SLC2A9: variants seen among roughly 807,000 people sequenced by gnomAD.
The protein encoded by SLC2A9 is solute carrier family 2 member 9.
SLC2A9 carries 39 observed loss-of-function variants against 50.6 expected under a neutral mutation model. The ratio of observed to expected loss-of-function variants is 0.77; its 90% CI spans 0.60 to 1.01. The LOEUF (loss-of-function observed/expected upper bound fraction) is 1.01, where lower values mean the gene tolerates loss of function less well. SLC2A9 is among the 50% of genes least tolerant of loss of function. The pLI, the probability that SLC2A9 is intolerant of heterozygous loss-of-function variation, is 0.00. For synonymous variants in SLC2A9, 324 were observed against 276.9 expected (o/e 1.17, Z -1.69); for missense variants, 686 against 677.6 (o/e 1.01, Z -0.14).
At chr4:9,880,633 T>C (rs1735043586) in intron 10 of SLC2A9, 1 of 889,342 alleles carries the variant, frequency 1.1e-6, no homozygotes, top group Non-Finnish European at 1.3e-6. Context: ...ATCTGGCTTG[T>C]TTGTGTGCAT....
chr4:9,864,500 T>C (rs780775653), intron 10 of SLC2A9, among the ~76,000 whole-genome samples: 23 of 152,220 alleles, frequency 1.5e-4, no homozygotes, highest in Non-Finnish European at 2.1e-4. Context: ...TCTTGAGTGC[T>C]TTCTATGAGT....
intron 8 of SLC2A9, among the ~76,000 whole-genome samples, chr4:9,895,472 C>T (rs1004501410): frequency 2.0e-5 from 3 of 152,202 alleles, no homozygotes; most frequent in South Asian, 2.1e-4. Context: ...TTAACTCAGA[C>T]GAACAGCAGA....
chr4:9,950,127 AAGC>A (rs1288812367), intron 5 of SLC2A9, among the ~76,000 whole-genome samples: 1 of 152,216 alleles, frequency 6.6e-6, no homozygotes, highest in African/African-American at 2.4e-5. Flanking sequence ...CACAGAGTAC[AAGC>A]CAGCTAGTAA....
intron 3 of SLC2A9, among the ~76,000 whole-genome samples, chr4:9,780,948 T>G (rs750968894): frequency 1.3e-5 from 2 of 152,150 alleles, no homozygotes; most frequent in Non-Finnish European, 2.9e-5. Context: ...GCTCTCTTCC[T>G]CCTCTTGTCT....
chr4:9,794,962 TTGTGCTGGGCAC>T (rs1720407494), downstream of SLC2A9, among the ~76,000 whole-genome samples: 1 of 151,334 alleles, frequency 6.6e-6, no homozygotes, highest in South Asian at 2.1e-4. Context: ...ACTGCTGAAT[TTGTGCTGGGCAC>T]TGTGCCAAAG....
intron 9 of SLC2A9, among the ~76,000 whole-genome samples, chr4:9,890,074 G>C (rs1429505045): frequency 6.6e-6 from 1 of 152,162 alleles, no homozygotes; most frequent in East Asian, 1.9e-4. Flanking sequence ...CAACACCCCT[G>C]GATGAAGGGA....
At chr4:10,014,994 T>C (rs1762366337) in intron 2 of SLC2A9, among the ~76,000 whole-genome samples, 1 of 152,212 alleles carries the variant, frequency 6.6e-6, no homozygotes, top group Non-Finnish European at 1.5e-5. Context: ...CTGTCTTCGG[T>C]TTCTCAGTTA....
chr4:9,910,940 T>C (rs1478321490), intron 7 of SLC2A9, among the ~76,000 whole-genome samples: 1 of 148,448 alleles, frequency 6.7e-6, no homozygotes, highest in African/African-American at 2.4e-5. Context: ...TAAGTGGAAG[T>C]TGAACAATGA....
chr4:9,814,723 T>C (rs1209392594), intron 3 of SLC2A9, among the ~76,000 whole-genome samples: 1 of 152,144 alleles, frequency 6.6e-6, no homozygotes, highest in Non-Finnish European at 1.5e-5. Context: ...CCTCATGTGA[T>C]GACATCAGCA....
intron 1 of SLC2A9, among the ~76,000 whole-genome samples, chr4:10,037,476 G>T (rs1764144521): frequency 6.6e-6 from 1 of 152,164 alleles, no homozygotes; most frequent in African/African-American, 2.4e-5. Context: ...TACTTCCTCA[G>T]TTGCTCCTCC....
chr4:9,822,148 A>C (rs894846360), downstream of SLC2A9, among the ~76,000 whole-genome samples: 1 of 152,074 alleles, frequency 6.6e-6, no homozygotes, highest in Non-Finnish European at 1.5e-5. Flanking sequence ...CCATCTCCCC[A>C]ACATCACTTC....
chr4:10,000,622 T>G (rs1260064511), intron 2 of SLC2A9, among the ~76,000 whole-genome samples: 1 of 152,196 alleles, frequency 6.6e-6, no homozygotes, highest in Non-Finnish European at 1.5e-5. Context: ...TACATGCTTT[T>G]CTATTCATGC....
intron 3 of SLC2A9, among the ~76,000 whole-genome samples, chr4:9,793,653 A>C (rs1259823893): frequency 1.1e-4 from 16 of 152,288 alleles, no homozygotes; most frequent in Admixed American, 7.9e-4. Context: ...TCTTAGGAGG[A>C]GGCAAAACAG....
intron 10 of SLC2A9, among the ~76,000 whole-genome samples, chr4:9,840,143 C>T (rs2109204371): frequency 6.6e-6 from 1 of 152,290 alleles, no homozygotes; most frequent in Middle Eastern, 3.4e-3. Context: ...AACTCAGTGA[C>T]TCTGGGTAAC....
chr4:9,925,205 T>C (rs1245518924), intron 6 of SLC2A9, among the ~76,000 whole-genome samples: 1 of 152,216 alleles, frequency 6.6e-6, no homozygotes, highest in African/African-American at 2.4e-5. Context: ...CCTGCCACTT[T>C]GTTGCCTGCC....
At chr4:9,954,324 C>T (rs1750824010) in intron 5 of SLC2A9, among the ~76,000 whole-genome samples, 1 of 152,264 alleles carries the variant, frequency 6.6e-6, no homozygotes, top group African/African-American at 2.4e-5. Flanking sequence ...AGACATGGGG[C>T]TCCCCACTGG....
intron 10 of SLC2A9, among the ~76,000 whole-genome samples, chr4:9,883,401 A>T (rs1577685955): frequency 6.6e-6 from 1 of 152,340 alleles, no homozygotes; most frequent in East Asian, 1.9e-4. Flanking sequence ...TTCACATCCT[A>T]GCTCCAACAC....
At chr4:9,969,698 C>G (rs1465848102) in intron 5 of SLC2A9, among the ~76,000 whole-genome samples, 1 of 152,208 alleles carries the variant, frequency 6.6e-6, no homozygotes, top group Non-Finnish European at 1.5e-5. Context: ...GAAGGCATGT[C>G]TTACATGGCG....
At chr4:9,915,815 G>T (rs1742755780) in intron 7 of SLC2A9, among the ~76,000 whole-genome samples, 1 of 152,178 alleles carries the variant, frequency 6.6e-6, no homozygotes, top group African/African-American at 2.4e-5. Context: ...GAGCATTTTA[G>T]ATTCTTCCAA....
Sources: allele counts gnomAD v4.1 joint callset (sites outside exome capture counted in the v4.1 genomes callset), GRCh38; gene constraint gnomAD v4.1.1; transcripts MANE v1.5; gene names NCBI Gene and HGNC (gene_info 2026-07-23, HGNC 2026-07-21).